Variants in RANBP2 observed in about 807,000 individuals in gnomAD.
RANBP2 encodes RAN binding protein 2, also known as E3 SUMO-protein ligase RanBP2.
RANBP2 carries 57 observed loss-of-function variants against 303.6 expected under a neutral mutation model. The ratio of observed to expected loss-of-function variants is 0.19; its 90% CI spans 0.15 to 0.23. RANBP2 has a LOEUF of 0.23. Among genes scored for constraint, RANBP2 ranks in the 10% least tolerant of loss-of-function variants. The pLI is 1.00. For synonymous variants in RANBP2, 1,167 were observed against 1,301.5 expected (o/e 0.90, Z 2.23); for missense variants, 3,138 against 3,780.8 (o/e 0.83, Z 4.46).
the RANBP2 span, among the ~76,000 whole-genome samples, chr2:109,089,473 G>A: frequency 5.9e-5 from 9 of 152,040 alleles, no homozygotes; most frequent in Admixed American, 5.9e-4. Context: ...AAGCATGTTG[G>A]TACACAACTG....
At chr2:109,279,112 G>GT in the RANBP2 span, among the ~76,000 whole-genome samples, 1 of 152,156 alleles carries the variant, frequency 6.6e-6, no homozygotes, top group East Asian at 1.9e-4. Flanking sequence ...GCAAATCCAC[G>GT]TATCACCTGG....
the RANBP2 span, chr2:109,419,499 C>T: frequency 1.3e-6 from 2 of 1,544,250 alleles, no homozygotes; most frequent in East Asian, 2.4e-5. Flanking sequence ...TGGATGGAGT[C>T]TCTGTCTCCT....
At chr2:109,536,979 CAATTA>C in the RANBP2 span, among the ~76,000 whole-genome samples, 1 of 152,170 alleles carries the variant, frequency 6.6e-6, no homozygotes, top group Non-Finnish European at 1.5e-5. Flanking sequence ...ACTGTAAGCC[CAATTA>C]AACCTTTCTT....
chr2:109,538,643 T>C, the RANBP2 span, among the ~76,000 whole-genome samples: 8 of 152,204 alleles, frequency 5.3e-5, no homozygotes, highest in African/African-American at 1.9e-4. Context: ...CCTCAGCCTC[T>C]GAGTAGCTGA....
chr2:109,261,744 G>A, the RANBP2 span, among the ~76,000 whole-genome samples: 1 of 152,150 alleles, frequency 6.6e-6, no homozygotes. Flanking sequence ...CAGTGTAATC[G>A]GCAGGCATTT....
the RANBP2 span, among the ~76,000 whole-genome samples, chr2:109,246,694 C>T: frequency 6.6e-6 from 1 of 152,190 alleles, no homozygotes; most frequent in Non-Finnish European, 1.5e-5. Flanking sequence ...TGCCCTGGCT[C>T]GTCCTAAGGC....
chr2:109,299,597 A>G, the RANBP2 span, among the ~76,000 whole-genome samples: 1 of 152,126 alleles, frequency 6.6e-6, no homozygotes, highest in Non-Finnish European at 1.5e-5. Flanking sequence ...TCCATTTCCT[A>G]AAGTTTCCTT....
chr2:108,921,061 G>C, the RANBP2 span, among the ~76,000 whole-genome samples: 1 of 152,210 alleles, frequency 6.6e-6, no homozygotes, highest in Admixed American at 6.5e-5. Context: ...CAAGCAATTC[G>C]AGTCATAAGA....
the RANBP2 span, among the ~76,000 whole-genome samples, chr2:109,340,359 A>G: frequency 3.1e-3 from 465 of 152,306 alleles, 3 homozygotes; most frequent in African/African-American, 0.01. Flanking sequence ...TCAGGACAGG[A>G]AGGGGCAAGG....
At chr2:109,572,976 C>G in the RANBP2 span, among the ~76,000 whole-genome samples, 1 of 151,998 alleles carries the variant, frequency 6.6e-6, no homozygotes, top group Non-Finnish European at 1.5e-5. Flanking sequence ...ACACTTTTAT[C>G]ATAAAAAATA....
intron 1 of RANBP2, among the ~76,000 whole-genome samples, chr2:108,721,042 C>T (rs1445592999): frequency 6.6e-6 from 1 of 151,720 alleles, no homozygotes; most frequent in Non-Finnish European, 1.5e-5. Context: ...GAGGGAGACT[C>T]CAAAAAAACA....
At chr2:109,582,097 C>T in the RANBP2 span, among the ~76,000 whole-genome samples, 1 of 150,052 alleles carries the variant, frequency 6.7e-6, no homozygotes, top group African/African-American at 2.4e-5. Flanking sequence ...CACACACACA[C>T]ACACACACAC....
At chr2:109,470,991 G>T in the RANBP2 span, among the ~76,000 whole-genome samples, 1 of 152,068 alleles carries the variant, frequency 6.6e-6, no homozygotes, top group Non-Finnish European at 1.5e-5. Flanking sequence ...AGGCCGAGGA[G>T]GGCAGATCAC....
the RANBP2 span, chr2:108,846,884 A>G: frequency 6.2e-7 from 1 of 1,613,546 alleles, no homozygotes; most frequent in Non-Finnish European, 8.5e-7. Context: ...CCAATTTGCC[A>G]TTGAGATTTT....
chr2:108,941,116 T>C, the RANBP2 span, among the ~76,000 whole-genome samples: 1 of 152,212 alleles, frequency 6.6e-6, no homozygotes. Flanking sequence ...AGCTGGTTTC[T>C]TTCACTGAAT....
chr2:109,466,895 G>A, the RANBP2 span, among the ~76,000 whole-genome samples: 2 of 152,086 alleles, frequency 1.3e-5, no homozygotes, highest in Non-Finnish European at 2.9e-5. Context: ...ATGTGTGCAT[G>A]TGTTTGTGTA....
the RANBP2 span, among the ~76,000 whole-genome samples, chr2:109,058,984 G>T: frequency 6.6e-6 from 1 of 152,184 alleles, no homozygotes; most frequent in Non-Finnish European, 1.5e-5. Context: ...AGGACACAGT[G>T]GCCTGTGCAC....
At chr2:109,447,028 A>G in the RANBP2 span, among the ~76,000 whole-genome samples, 1 of 151,944 alleles carries the variant, frequency 6.6e-6, no homozygotes, top group Non-Finnish European at 1.5e-5. Context: ...GGGTGATTAA[A>G]TGACCCGAGG....
At chr2:109,208,510 C>G in the RANBP2 span, among the ~76,000 whole-genome samples, 2 of 152,324 alleles carry the variant, frequency 1.3e-5, no homozygotes, top group South Asian at 2.1e-4. Flanking sequence ...CAGCTAAGCT[C>G]CATGTGATTG....
Sources: allele counts gnomAD v4.1 joint callset (sites outside exome capture counted in the v4.1 genomes callset), GRCh38; gene constraint gnomAD v4.1.1; transcripts MANE v1.5; gene names NCBI Gene and HGNC (gene_info 2026-07-23, HGNC 2026-07-21).